LPP: variants seen among roughly 807,000 people sequenced by gnomAD.
LPP encodes the protein LIM domain containing preferred translocation partner in lipoma, also known as lipoma-preferred partner.
Under a neutral mutation model 60.4 loss-of-function variants are expected in LPP, and 38 were observed. The observed-to-expected ratio is 0.63, with a 90% CI of 0.49 to 0.83. The LOEUF is 0.83. Ranked by LOEUF, LPP falls within the 40% of genes least tolerant of loss-of-function variation. LPP has a pLI of 0.00. For missense variants in LPP, 902 were observed against 783.6 expected (o/e 1.15, Z -1.80); for synonymous variants, 328 against 290.8 (o/e 1.13, Z -1.30).
intron 7 of LPP, among the ~76,000 whole-genome samples, chr3:188,614,111 T>G (rs1844414217): frequency 6.6e-6 from 1 of 151,886 alleles, no homozygotes; most frequent in South Asian, 2.1e-4. Flanking sequence ...ATATTTTTAG[T>G]AGAGACAGGG....
intron 9 of LPP, among the ~76,000 whole-genome samples, chr3:188,859,814 T>G (rs1427269956): frequency 1.3e-5 from 2 of 152,170 alleles, no homozygotes; most frequent in Non-Finnish European, 2.9e-5. Context: ...TAGGGGGGTG[T>G]GTCATGACAT....
chr3:188,454,775 C>T (rs1398113334), intron 4 of LPP, among the ~76,000 whole-genome samples: 2 of 152,136 alleles, frequency 1.3e-5, no homozygotes, highest in Non-Finnish European at 2.9e-5. Flanking sequence ...AACTTATTCA[C>T]TACCATGAGA....
At chr3:188,687,876 G>A (rs1190653800) in intron 7 of LPP, among the ~76,000 whole-genome samples, 6 of 150,658 alleles carry the variant, frequency 4.0e-5, no homozygotes, top group Admixed American at 6.7e-5. Context: ...CCGGGTTCAT[G>A]CCATTCTCCT....
rs1843297994 is a variant in LPP, at chr3:188,609,821, T to C, written c.1090T>C (p.Cys364Arg). Residue 364 changes from cysteine (C) to arginine (R), a missense_variant, in exon 7 of 12, where the codon TGT (cysteine) becomes CGT (arginine). Physicochemically the swap from Cys to Arg is radical, Grantham distance 180. Transcript: ENST00000617246. This position sits in a 1 kb window ranked among gnomAD's most constrained non-coding sequence, Gnocchi z 6.9. ...TYITDPVSAP[C>R]APPLQPKGGH... ...TATCACAGATCCTGTTTCAGCCCCC[T>C]GTGCGCCACCATTGCAGCCAAAGGT... The C allele has an allele frequency of 1.2e-6, 2 of 1,612,444 alleles. No individual in the cohort carries two copies. The highest frequency in any genetic ancestry group is 1.7e-5 in the Admixed American group (1 of 59,912).
intron 2 of LPP, among the ~76,000 whole-genome samples, chr3:188,337,335 C>T (rs1035848763): frequency 2.0e-5 from 3 of 152,190 alleles, no homozygotes; most frequent in Admixed American, 6.5e-5. Flanking sequence ...TGGGGAAGCA[C>T]GGCTATGTGG....
intron 6 of LPP, among the ~76,000 whole-genome samples, chr3:188,595,077 T>C (rs1839730150): frequency 6.6e-6 from 1 of 152,176 alleles, no homozygotes; most frequent in African/African-American, 2.4e-5. Context: ...CCAAAGAACC[T>C]TAGGTATCAG....
chr3:188,235,212 A>C (rs1721464306), intron 2 of LPP, among the ~76,000 whole-genome samples: 1 of 152,170 alleles, frequency 6.6e-6, no homozygotes, highest in Non-Finnish European at 1.5e-5. Flanking sequence ...AACGGGTGCA[A>C]ACTCACTTTT....
Position 188,154,206 on chromosome 3 carries a change from G to GCCGCCGCCGCCACCA in LPP, c.-228_-227insGCCACCACCGCCGCC, listed in dbSNP as rs1553796038. ...GCCTCCAGCCGCCGCCGCCGCCGCC[G>GCCGCCGCCGCCACCA]CCGCCGCCACCACCACCGCCGCTGC... On this transcript the variant is annotated 5_prime_UTR_variant, in exon 1 of 12. Transcript: ENST00000617246. 1 of 222,690 alleles carries GCCGCCGCCGCCACCA rather than the reference G, an allele frequency of 4.5e-6. No individual in the cohort carries two copies. Among genetic ancestry groups the GCCGCCGCCGCCACCA allele is most frequent in the East Asian group, 1.6e-4 (1 of 6,380 alleles). The allele number at this position is 222,690 out of a possible 1,614,324, so 13.8% of individuals were successfully genotyped here.
At chr3:188,793,731 G>GA (rs1279121311) in intron 9 of LPP, among the ~76,000 whole-genome samples, 3 of 152,118 alleles carry the variant, frequency 2.0e-5, no homozygotes, top group African/African-American at 7.2e-5. Context: ...ATCAGTGAAA[G>GA]AATCTTTAAG....
intron 9 of LPP, among the ~76,000 whole-genome samples, chr3:188,809,043 T>C (rs1458905133): frequency 2.0e-5 from 3 of 152,196 alleles, no homozygotes; most frequent in Non-Finnish European, 4.4e-5. Context: ...TAGTATTCCA[T>C]GGTGTACATG....
At chr3:188,507,157 A>G (rs921034738) in intron 5 of LPP, among the ~76,000 whole-genome samples, 7 of 152,118 alleles carry the variant, frequency 4.6e-5, no homozygotes, top group African/African-American at 1.4e-4. Flanking sequence ...TTGTGGCTTG[A>G]TTGATCTATT....
At position 188,878,774 on chromosome 3, in the gene LPP, AAG is replaced by A; in HGVS notation, c.*4297_*4298del. ...AGTAAAAAAGTAAAAAAAAAAAAAAAAGAAAGAAAGAAAAGAAAGAGAGAGAA... is the reference window on the plus strand; with the variant it reads ...AGTAAAAAAGTAAAAAAAAAAAAAAAAAAGAAAGAAAAGAAAGAGAGAGAA... On this transcript the variant is annotated 3_prime_UTR_variant, in exon 12 of 12. Coordinates refer to ENST00000617246, the MANE Select transcript of LPP (RefSeq NM_001375462.1). 1 of 203,144 alleles carries A rather than the reference AAG, an allele frequency of 4.9e-6. No homozygotes were observed. The allele number at this position is 203,144 out of a possible 1,614,324, so 12.6% of individuals were successfully genotyped here.
intron 3 of LPP, among the ~76,000 whole-genome samples, chr3:188,356,288 G>T (rs1767592958): frequency 1.3e-5 from 2 of 152,136 alleles, no homozygotes; most frequent in Admixed American, 6.6e-5. Context: ...CTTTCGGGAG[G>T]ATTTTTGGCC....
chr3:188,752,905 G>T (rs1401114487), intron 8 of LPP, among the ~76,000 whole-genome samples: 1 of 152,204 alleles, frequency 6.6e-6, no homozygotes, highest in Non-Finnish European at 1.5e-5. Context: ...CACCTGTCCT[G>T]ATTCGCCACC....
chr3:188,170,450 C>A (rs1411214273), intron 1 of LPP, among the ~76,000 whole-genome samples: 2 of 151,838 alleles, frequency 1.3e-5, no homozygotes, highest in Admixed American at 1.3e-4. Flanking sequence ...ACTGCCTCAG[C>A]CTCCTGAGTA....
intron 3 of LPP, among the ~76,000 whole-genome samples, chr3:188,363,006 T>G (rs1211033600): frequency 6.7e-6 from 1 of 149,456 alleles, no homozygotes; most frequent in Non-Finnish European, 1.5e-5. Flanking sequence ...TTTAAATTAT[T>G]ATTACAATTA....
chr3:188,326,688 T>C (rs1363344540), intron 2 of LPP, among the ~76,000 whole-genome samples: 1 of 152,218 alleles, frequency 6.6e-6, no homozygotes, highest in Non-Finnish European at 1.5e-5. Flanking sequence ...TGGGCCTTAC[T>C]AATATAACTA....
At chr3:188,384,376 A>C (rs1432886388) in intron 3 of LPP, among the ~76,000 whole-genome samples, 1 of 151,706 alleles carries the variant, frequency 6.6e-6, no homozygotes, top group Non-Finnish European at 1.5e-5. Context: ...ATACATGTGT[A>C]CACACCATAT....
At chr3:188,359,310 C>G (rs945630505) in intron 3 of LPP, among the ~76,000 whole-genome samples, 4 of 152,134 alleles carry the variant, frequency 2.6e-5, no homozygotes, top group African/African-American at 9.7e-5. Flanking sequence ...AGCTGCAGCC[C>G]CTCTGACGAA....
Sources: allele counts gnomAD v4.1 joint callset (sites outside exome capture counted in the v4.1 genomes callset), GRCh38; gene constraint gnomAD v4.1.1; non-coding constraint Gnocchi (gnomAD v3.1); transcripts MANE v1.5; gene names NCBI Gene and HGNC (gene_info 2026-07-23, HGNC 2026-07-21).